Variants in KIF15 observed in about 807,000 individuals in gnomAD.
KIF15 encodes kinesin family member 15.
In KIF15, 140 loss-of-function variants were observed where a neutral mutation model predicts 190.6. That is an observed-to-expected ratio of 0.73 (90% confidence interval 0.64 to 0.84). KIF15 has a LOEUF of 0.84. Ranked by LOEUF, KIF15 falls within the 40% of genes least tolerant of loss-of-function variation. The pLI, the probability that KIF15 is intolerant of heterozygous loss-of-function variation, is 0.00. For missense variants in KIF15, 1,372 were observed against 1,584.4 expected (o/e 0.87, Z 2.28); for synonymous variants, 528 against 551.3 (o/e 0.96, Z 0.59).
chr3:44,861,108 C>T (rs189623165), intron 6 of KIF15, among the ~76,000 whole-genome samples: 12 of 152,306 alleles, frequency 7.9e-5, no homozygotes, highest in African/African-American at 2.9e-4. Flanking sequence ...TCTCCTGCCT[C>T]GGCCTCCCGA....
At chr3:44,820,495 CGGCCTT>C (rs1708221401) in intron 20 of KIF15, among the ~76,000 whole-genome samples, 1 of 152,086 alleles carries the variant, frequency 6.6e-6, no homozygotes, top group East Asian at 1.9e-4. Flanking sequence ...GAGGACCCTG[CGGCCTT>C]CCGCAGTGTT....
At chr3:44,803,648 C>T (rs1392179406) in intron 14 of KIF15, among the ~76,000 whole-genome samples, 1 of 152,160 alleles carries the variant, frequency 6.6e-6, no homozygotes, top group Non-Finnish European at 1.5e-5. Flanking sequence ...TTATCATAGA[C>T]TTGGCCTTGG....
intron 20 of KIF15, among the ~76,000 whole-genome samples, chr3:44,819,075 G>A (rs931086850): frequency 2.0e-5 from 3 of 151,992 alleles, no homozygotes; most frequent in East Asian, 3.9e-4. Flanking sequence ...TATTTCTGTG[G>A]GATAGGTGGT....
intron 20 of KIF15, among the ~76,000 whole-genome samples, chr3:44,817,313 C>T (rs1278053672): frequency 2.0e-5 from 3 of 152,104 alleles, no homozygotes; most frequent in African/African-American, 4.8e-5. Flanking sequence ...GAAGTCTTTG[C>T]CCATGCGTAT....
At position 44,829,518 on chromosome 3, in the gene KIF15, T is replaced by TTA. The variant is rs1434674878; in HGVS notation, c.2944-449_2944-448dup. Among the ~76,000 whole-genome samples, 11 of 86,640 alleles carry TTA rather than the reference T, an allele frequency of 1.3e-4. No individual in the cohort carries two copies. In the South Asian group the frequency reaches 1.7e-3, roughly 13 times the overall value. 56.8% of individuals were successfully genotyped at this position (86,640 alleles called of 152,430 possible). A position where few individuals can be genotyped will look rare whatever the true frequency, so the allele number is the denominator to read the frequency against. ...TGCATATATAATATACGCATATATA[T>TTA]TATATGTATATAATATGTATATATT... On this transcript the variant is annotated intron_variant, in intron 24 of 34. Coordinates refer to ENST00000326047, the MANE Select transcript of KIF15 (RefSeq NM_020242.3).
chr3:44,809,805 G>A (rs930143512), intron 16 of KIF15, among the ~76,000 whole-genome samples: 24 of 152,070 alleles, frequency 1.6e-4, no homozygotes, highest in African/African-American at 5.3e-4. Flanking sequence ...GGTGTCTCAC[G>A]CCTGTAATTC....
chr3:44,775,806 G>A (rs2125903969), intron 3 of KIF15, among the ~76,000 whole-genome samples: 1 of 151,870 alleles, frequency 6.6e-6, no homozygotes, highest in South Asian at 2.1e-4. Context: ...TCTTGGCCAG[G>A]CGTGGTGGCT....
At chr3:44,833,836 T>C (rs1698184432) in intron 26 of KIF15, among the ~76,000 whole-genome samples, 1 of 152,182 alleles carries the variant, frequency 6.6e-6, no homozygotes. Flanking sequence ...GGAAATAGTT[T>C]TAGCAAGCCA....
intron 20 of KIF15, among the ~76,000 whole-genome samples, chr3:44,816,824 C>T (rs1315326315): frequency 6.6e-6 from 1 of 152,186 alleles, no homozygotes; most frequent in African/African-American, 2.4e-5. Flanking sequence ...CACTGTCTTC[C>T]ACAATGGTTT....
chr3:44,769,236 C>T (rs1288065241), intron 1 of KIF15, among the ~76,000 whole-genome samples: 1 of 151,688 alleles, frequency 6.6e-6, no homozygotes, highest in African/African-American at 2.4e-5. Flanking sequence ...CAAAGGAGTC[C>T]CAGGGGTTCA....
At position 44,810,981 on chromosome 3, in the gene KIF15, G is replaced by T. The variant is rs755817518; in HGVS notation, c.2107G>T (p.Val703Phe). The change falls in exon 17 of 35, where the codon GTT (valine) becomes TTT (phenylalanine). Residue 703 changes from valine (V) to phenylalanine (F), a missense_variant. By Grantham distance (50) the Val-to-Phe change is conservative. Coordinates refer to ENST00000326047, the MANE Select transcript of KIF15 (RefSeq NM_020242.3). ...ILDNDILNEP[V>F]PPEMNEQAFE... ...AGATAATGATATATTAAATGAGCCA[G>T]TTCCTCCTGAGATGAATGAACAAGC... 6 of 1,613,876 alleles carry T rather than the reference G, an allele frequency of 3.7e-6. No homozygotes were observed. Among genetic ancestry groups the T allele is most frequent in the Non-Finnish European group, 5.1e-6 (6 of 1,179,864 alleles).
intron 27 of KIF15, among the ~76,000 whole-genome samples, chr3:44,839,991 A>C (rs1698510766): frequency 6.6e-6 from 1 of 152,232 alleles, no homozygotes; most frequent in Non-Finnish European, 1.5e-5. Context: ...AGAACATGGG[A>C]GTGCCGCTGT....
At chr3:44,847,921 T>C in intron 30 of KIF15, 64 bp from the exon 31 acceptor site, 1 of 1,158,228 alleles carries the variant, frequency 8.6e-7, no homozygotes. Context: ...AATTTGAAAT[T>C]GATACTTGAA....
chr3:44,787,134 C>T (rs1341542193), intron 7 of KIF15, among the ~76,000 whole-genome samples: 1 of 152,180 alleles, frequency 6.6e-6, no homozygotes, highest in Non-Finnish European at 1.5e-5. Context: ...AGTGAACTTT[C>T]AGGAGGCTTT....
Position 44,866,305 on chromosome 3 carries a change from C to T in KIF15, c.*60-7024C>T, listed in dbSNP as rs377497256. ...TCCAGGATAGTCTCGATCTCCTGAC[C>T]TCGTGATCTGCCCGCCTCAGCCTCC... is the stretch of plus-strand genomic sequence containing the variant. On this transcript the variant is annotated intron_variant and NMD_transcript_variant, in intron 6 of 6. Transcript: ENST00000422209. 5.9e-5 allele frequency among the ~76,000 whole-genome samples: 9 copies of T among 152,122 alleles called. No homozygotes were observed. In the East Asian group the frequency reaches 1.2e-3, roughly 20 times the overall value.
chr3:44,763,771 T>G (rs1203080324), intron 1 of KIF15, among the ~76,000 whole-genome samples: 1 of 151,802 alleles, frequency 6.6e-6, no homozygotes, highest in South Asian at 2.1e-4. Context: ...CACTGCAATC[T>G]CCACCTCCTG....
intron 7 of KIF15, among the ~76,000 whole-genome samples, chr3:44,792,113 T>C (rs1575599066): frequency 6.6e-6 from 1 of 152,218 alleles, no homozygotes; most frequent in East Asian, 1.9e-4. Context: ...GTATCAGATG[T>C]ATTTAATATG....
rs1438401255 is a variant in KIF15 at position 44,813,167 on chromosome 3, A to G, written c.2370A>G (p.Gln790=). 7 of 1,589,422 alleles carry G rather than the reference A, an allele frequency of 4.4e-6. No homozygotes were observed. The highest frequency in any genetic ancestry group is 2.7e-5 in the African/African-American group (2 of 73,720). Residue 790 remains glutamine (Q), a synonymous_variant, in exon 19 of 35, where the codon CAA becomes CAG. Coordinates refer to ENST00000326047, the MANE Select transcript of KIF15 (RefSeq NM_020242.3). ...TTGAAAAGCAGCTTCAAGAGACTCA[A>G]ACTAAAAATGACTGTAAGTTATTCT... The part of the protein sequence containing the change: ...NVLEKQLQET[Q]TKNDFLKSEV...
At chr3:44,832,714 A>G (rs1380852650) in intron 26 of KIF15, among the ~76,000 whole-genome samples, 2 of 152,120 alleles carry the variant, frequency 1.3e-5, no homozygotes, top group Non-Finnish European at 2.9e-5. Flanking sequence ...TAACACACAT[A>G]AGATATAAGA....
Sources: allele counts gnomAD v4.1 joint callset (sites outside exome capture counted in the v4.1 genomes callset), GRCh38; gene constraint gnomAD v4.1.1; transcripts MANE v1.5; gene names NCBI Gene and HGNC (gene_info 2026-07-23, HGNC 2026-07-21).